Variants in PGM5 observed in about 807,000 individuals in gnomAD.
The protein encoded by PGM5 is phosphoglucomutase 5.
A neutral mutation model predicts 59.2 loss-of-function variants in PGM5; 23 were observed. That is an observed-to-expected ratio of 0.39 (90% confidence interval 0.28 to 0.55). The LOEUF is 0.55. PGM5 is among the 20% of genes least tolerant of loss of function. The probability of loss-of-function intolerance (pLI) is 0.66; values close to 1 mark genes in which losing one functional copy is unlikely to be tolerated. For missense variants in PGM5, 574 were observed against 748.3 expected, an observed-to-expected ratio of 0.77 and a Z score of 2.72; for synonymous variants, 214 against 286.0, an observed-to-expected ratio of 0.75 and a Z score of 2.54.
At chr9:68,510,146 ATTTT>A (rs10580007) in intron 10 of PGM5, among the ~76,000 whole-genome samples, 945 of 86,884 alleles carry the variant, frequency 0.011, 5 homozygotes, top group African/African-American at 0.038. Context: ...TGAAATCAGC[ATTTT>A]TTTTTTTTTT....
chr9:68,445,502 G>A (rs1823597420), intron 6 of PGM5, among the ~76,000 whole-genome samples: 1 of 152,182 alleles, frequency 6.6e-6, no homozygotes, highest in Admixed American at 6.5e-5. Flanking sequence ...AGGATGCTTG[G>A]AATACAGCAG....
At chr9:68,481,764 G>A (rs550721330) in intron 8 of PGM5, among the ~76,000 whole-genome samples, 109 of 152,140 alleles carry the variant, frequency 7.2e-4, no homozygotes, top group Middle Eastern at 6.8e-3. Context: ...ATTTCTTCTA[G>A]GACATTGAGT....
chr9:68,504,946 T>C (rs781587421), intron 10 of PGM5, among the ~76,000 whole-genome samples: 33 of 152,224 alleles, frequency 2.2e-4, no homozygotes, highest in Non-Finnish European at 8.8e-5. Context: ...TGAATGTTGG[T>C]GCTATCATCA....
At chr9:68,488,764 T>A (rs1824339432) in intron 9 of PGM5, among the ~76,000 whole-genome samples, 1 of 152,212 alleles carries the variant, frequency 6.6e-6, no homozygotes, top group Non-Finnish European at 1.5e-5. Context: ...CAACTGCAGT[T>A]CTTCCTTCTA....
intron 6 of PGM5, among the ~76,000 whole-genome samples, chr9:68,423,888 G>A (rs1330537613): frequency 2.6e-5 from 4 of 152,146 alleles, no homozygotes; most frequent in African/African-American, 9.7e-5. Context: ...AAACAGAACA[G>A]TATTAGAGAA....
At chr9:68,482,291 T>A (rs1301673443) in intron 8 of PGM5, among the ~76,000 whole-genome samples, 1 of 152,126 alleles carries the variant, frequency 6.6e-6, no homozygotes, top group Admixed American at 6.6e-5. Context: ...CCTGCCCCTT[T>A]CTCCTTGGTT....
intron 7 of PGM5, among the ~76,000 whole-genome samples, chr9:68,476,944 G>A (rs1254705852): frequency 6.6e-6 from 1 of 152,068 alleles, no homozygotes; most frequent in Non-Finnish European, 1.5e-5. Flanking sequence ...CCATGTTTTA[G>A]AACAAAAGGG....
intron 6 of PGM5, among the ~76,000 whole-genome samples, chr9:68,440,645 A>G (rs1554683636): frequency 6.6e-6 from 1 of 152,156 alleles, no homozygotes; most frequent in East Asian, 1.9e-4. Context: ...ATACATCAAA[A>G]TTTGTAGGAT....
chr9:68,449,622 A>T (rs1187428819), intron 6 of PGM5, among the ~76,000 whole-genome samples: 1 of 152,186 alleles, frequency 6.6e-6, no homozygotes, highest in Non-Finnish European at 1.5e-5. Context: ...ATGTGTCGCA[A>T]CTGCCCCCAT....
intron 1 of PGM5, among the ~76,000 whole-genome samples, chr9:68,360,549 AGTT>A (rs1554676211): frequency 6.6e-6 from 1 of 150,430 alleles, no homozygotes. Flanking sequence ...TTGAAGCTAT[AGTT>A]GTTGATTTGC....
At chr9:68,359,235 G>A (rs1834530369) in intron 1 of PGM5, among the ~76,000 whole-genome samples, 1 of 152,176 alleles carries the variant, frequency 6.6e-6, no homozygotes, top group Admixed American at 6.5e-5. Flanking sequence ...TTAACTCTAA[G>A]AGTGGAATTT....
At chr9:68,480,773 A>G (rs1158498298) in intron 8 of PGM5, among the ~76,000 whole-genome samples, 1 of 152,060 alleles carries the variant, frequency 6.6e-6, no homozygotes, top group African/African-American at 2.4e-5. Context: ...ATTATTTTGG[A>G]AGGAAGAAAA....
chr9:68,423,428 C>A (rs559412272), intron 6 of PGM5, among the ~76,000 whole-genome samples: 1 of 152,084 alleles, frequency 6.6e-6, no homozygotes, highest in African/African-American at 2.4e-5. Flanking sequence ...TCTGCAAGGG[C>A]GAAAATTTAA....
intron 6 of PGM5, chr9:68,398,197 G>A (rs1822562688): frequency 6.6e-6 from 1 of 152,150 alleles, no homozygotes; most frequent in Admixed American, 6.6e-5. Context: ...TTTTGCTTTA[G>A]CAGATAAATA....
At chr9:68,458,097 AGTT>A (rs1446240481) in intron 6 of PGM5, among the ~76,000 whole-genome samples, 2 of 152,246 alleles carry the variant, frequency 1.3e-5, no homozygotes, top group African/African-American at 4.8e-5. Flanking sequence ...AAACACAGAC[AGTT>A]GTTAATTCCC....
rs1821972470 is a variant in PGM5 at position 68,378,182 on chromosome 9, T to C, written c.262-17T>C. 1.3e-6 allele frequency: 2 copies of C among 1,511,750 alleles called. No homozygotes were observed. The highest frequency in any genetic ancestry group is 2.2e-5 in the Admixed American group (1 of 44,572). 93.6% of individuals were successfully genotyped at this position (1,511,750 alleles called of 1,614,324 possible). On this transcript the variant is annotated splice_polypyrimidine_tract_variant and intron_variant, in intron 1 of 10. Transcript: ENST00000396396. ...ATCCCAAGGAACTGGATTGATTTTTTTTTTTGGATGGTTTAGATTGGACGA... is the reference window on the plus strand; with the variant it reads ...ATCCCAAGGAACTGGATTGATTTTTCTTTTTGGATGGTTTAGATTGGACGA...
At chr9:68,415,820 C>CTATCTATCTATCT (rs1823019080) in intron 6 of PGM5, among the ~76,000 whole-genome samples, 2 of 124,986 alleles carry the variant, frequency 1.6e-5, no homozygotes, top group Admixed American at 8.7e-5. Flanking sequence ...TCTATCTTAT[C>CTATCTATCTATCT]TATCTATCAT....
At chr9:68,439,680 T>C (rs1049753656) in intron 6 of PGM5, among the ~76,000 whole-genome samples, 15 of 149,112 alleles carry the variant, frequency 1.0e-4, no homozygotes, top group Non-Finnish European at 1.5e-4. Flanking sequence ...GTATATATAA[T>C]ACACATGCAC....
chr9:68,459,438 A>G (rs577444877), intron 6 of PGM5, among the ~76,000 whole-genome samples: 1 of 152,338 alleles, frequency 6.6e-6, no homozygotes, highest in East Asian at 1.9e-4. Context: ...TGAATGGTAC[A>G]TAAATGAAAT....
Sources: allele counts gnomAD v4.1 joint callset (sites outside exome capture counted in the v4.1 genomes callset), GRCh38; gene constraint gnomAD v4.1.1; transcripts MANE v1.5; gene names NCBI Gene and HGNC (gene_info 2026-07-23, HGNC 2026-07-21).